Variants in CSMD1 observed in about 807,000 individuals in gnomAD.
CSMD1 encodes the protein CUB and sushi domain-containing protein 1.
In CSMD1, 213 loss-of-function variants were observed where a neutral mutation model predicts 417.5. The ratio of observed to expected loss-of-function variants is 0.51; its 90% confidence interval spans 0.46 to 0.57. The LOEUF is 0.57. Among genes scored for constraint, CSMD1 ranks in the 20% least tolerant of loss-of-function variants. CSMD1 has a pLI of 0.00. For synonymous variants in CSMD1, 2,862 were observed against 1,736.8 expected (o/e 1.65, Z -16.11); for missense variants, 6,923 against 4,529.7 (o/e 1.53, Z -15.17).
chr8:4,152,586 A>G (rs952044166), intron 3 of CSMD1, among the ~76,000 whole-genome samples: 24 of 151,766 alleles, frequency 1.6e-4, no homozygotes, highest in Non-Finnish European at 3.5e-4. Context: ...ACTCCTTGGG[A>G]GGCTTAAGTG....
chr8:4,973,721 A>G (rs1810377992), intron 1 of CSMD1, among the ~76,000 whole-genome samples: 1 of 152,200 alleles, frequency 6.6e-6, no homozygotes, highest in Non-Finnish European at 1.5e-5. Flanking sequence ...TGTTGTGATA[A>G]TAGACTTGCT....
At chr8:3,382,144 G>C (rs1225985303) in intron 18 of CSMD1, among the ~76,000 whole-genome samples, 1 of 151,712 alleles carries the variant, frequency 6.6e-6, no homozygotes, top group African/African-American at 2.4e-5. Flanking sequence ...CTGTAATCCC[G>C]GCTGCTCGGG....
At chr8:4,044,248 C>T (rs968966526) in intron 3 of CSMD1, among the ~76,000 whole-genome samples, 1 of 152,096 alleles carries the variant, frequency 6.6e-6, no homozygotes, top group Non-Finnish European at 1.5e-5. Flanking sequence ...TCTCATACTT[C>T]CTTATTGCAA....
At chr8:4,643,033 T>G (rs1388183357) in intron 1 of CSMD1, among the ~76,000 whole-genome samples, 2 of 152,230 alleles carry the variant, frequency 1.3e-5, no homozygotes, top group Admixed American at 1.3e-4. Flanking sequence ...TATAATTGTC[T>G]CCAACTCTGG....
At chr8:3,522,744 G>A (rs1010072472) in intron 10 of CSMD1, among the ~76,000 whole-genome samples, 1 of 151,786 alleles carries the variant, frequency 6.6e-6, no homozygotes. Flanking sequence ...TGGCATTCGG[G>A]AACTACAAAG....
At chr8:4,979,267 TA>T (rs1810740573) in intron 1 of CSMD1, among the ~76,000 whole-genome samples, 1 of 152,220 alleles carries the variant, frequency 6.6e-6, no homozygotes, top group Admixed American at 6.5e-5. Flanking sequence ...TTAAGCTTAG[TA>T]AGAGCCATGC....
chr8:4,291,900 A>G (rs1047989563), intron 3 of CSMD1, among the ~76,000 whole-genome samples: 1 of 152,218 alleles, frequency 6.6e-6, no homozygotes, highest in Non-Finnish European at 1.5e-5. Context: ...TGTTTTTCAC[A>G]TCAAGCAGGA....
intron 22 of CSMD1, 58 bp from the exon 23 acceptor site, chr8:3,343,508 A>G (rs1807796255): frequency 1.4e-6 from 2 of 1,456,114 alleles, no homozygotes; most frequent in East Asian, 4.6e-5. Flanking sequence ...TTATGTTAGC[A>G]ATGGTAATAA....
Position 3,181,189 on chromosome 8 carries a change from G to A in CSMD1, c.5646C>T (p.Asn1882=), listed in dbSNP as rs773387228. ...FSGTTVPALL[N]STSNQLYLHF... Reference sequence around the variant, plus strand: ...GCAGGTAGAGTTGGTTGGAAGTACTGTTCAGCAGTGCCGGTACTGTGGTGC... The same window carrying A: ...GCAGGTAGAGTTGGTTGGAAGTACTATTCAGCAGTGCCGGTACTGTGGTGC... The change falls in exon 37 of 70, where the codon AAC becomes AAT. Residue 1882 remains asparagine, a synonymous_variant. Coordinates refer to ENST00000635120, the MANE Select transcript of CSMD1 (RefSeq NM_033225.6). 11 of 1,613,590 alleles carry A rather than the reference G, an allele frequency of 6.8e-6. No individual in the cohort carries two copies. The highest frequency in any genetic ancestry group is 9.3e-6 in the Non-Finnish European group (11 of 1,179,686).
intron 7 of CSMD1, among the ~76,000 whole-genome samples, chr8:3,694,852 C>G (rs373738837): frequency 1.3e-5 from 2 of 151,926 alleles, no homozygotes; most frequent in East Asian, 3.9e-4. Context: ...TGAAGCAATA[C>G]CGGATCCTAA....
At chr8:4,135,662 C>A (rs1020831920) in intron 3 of CSMD1, among the ~76,000 whole-genome samples, 2 of 151,822 alleles carry the variant, frequency 1.3e-5, no homozygotes, top group Non-Finnish European at 1.5e-5. Flanking sequence ...AAGAAGAAAC[C>A]AAAATATTTG....
chr8:4,196,435 T>A (rs1799344951), intron 3 of CSMD1, among the ~76,000 whole-genome samples: 1 of 152,158 alleles, frequency 6.6e-6, no homozygotes, highest in Admixed American at 6.5e-5. Context: ...TACAGTCCTT[T>A]CTGAAGCCTC....
At chr8:3,799,697 G>T (rs1195513870) in intron 5 of CSMD1, among the ~76,000 whole-genome samples, 2 of 151,110 alleles carry the variant, frequency 1.3e-5, no homozygotes, top group Admixed American at 1.3e-4. Flanking sequence ...TGACAGTTAA[G>T]TCTGCCAGCT....
chr8:4,141,877 C>T (rs1803812624), intron 3 of CSMD1, among the ~76,000 whole-genome samples: 1 of 150,896 alleles, frequency 6.6e-6, no homozygotes, highest in Non-Finnish European at 1.5e-5. Context: ...GAGTACCAAT[C>T]CTACAAGGAG....
chr8:4,774,106 A>G (rs1219747558), intron 1 of CSMD1, among the ~76,000 whole-genome samples: 1 of 152,202 alleles, frequency 6.6e-6, no homozygotes, highest in Non-Finnish European at 1.5e-5. Context: ...CTGAGGCAGG[A>G]GAGGGTTCAC....
intron 25 of CSMD1, 38 bp downstream of exon 25, chr8:3,307,644 AGAAGGCATATCTC>A: frequency 6.4e-7 from 1 of 1,572,966 alleles, no homozygotes; most frequent in Non-Finnish European, 8.7e-7. Context: ...CTACAAGAAT[AGAAGGCATATCTC>A]TTTTCTCAAA....
chr8:4,618,424 G>C (rs1801597457), intron 2 of CSMD1, among the ~76,000 whole-genome samples: 1 of 151,990 alleles, frequency 6.6e-6, no homozygotes, highest in Non-Finnish European at 1.5e-5. Context: ...GAGCAAAGGT[G>C]GGCAGGACTC....
chr8:3,698,042 C>G (rs530274633), intron 7 of CSMD1, among the ~76,000 whole-genome samples: 3 of 147,906 alleles, frequency 2.0e-5, no homozygotes, highest in South Asian at 2.1e-4. Flanking sequence ...TTTAATAGAT[C>G]CTTTTTTTCT....
chr8:4,107,284 C>T (rs181895384), intron 3 of CSMD1, among the ~76,000 whole-genome samples: 6 of 152,196 alleles, frequency 3.9e-5, no homozygotes, highest in Admixed American at 6.5e-5. Flanking sequence ...CATTTCAACA[C>T]GCTGCACTGC....
Sources: gnomAD v4.1 joint callset for allele counts (sites outside exome capture counted in the v4.1 genomes callset) on GRCh38, gnomAD v4.1.1 for gene constraint, MANE v1.5 for transcripts, NCBI Gene and HGNC (gene_info 2026-07-23, HGNC 2026-07-21) for gene names.